UNC79: variants seen among roughly 807,000 people sequenced by gnomAD.
The protein encoded by UNC79 is unc-79 subunit of NALCN channel complex.
UNC79 carries 37 observed loss-of-function variants against 283.1 expected under a neutral mutation model. The ratio of observed to expected loss-of-function variants is 0.13; its 90% CI spans 0.10 to 0.17. The LOEUF (loss-of-function observed/expected upper bound fraction) is 0.17, where lower values mean the gene tolerates loss of function less well. UNC79 is among the 10% of genes least tolerant of loss of function. UNC79 has a pLI of 1.00. For synonymous variants in UNC79, 1,107 were observed against 1,200.2 expected (o/e 0.92, Z 1.61); for missense variants, 2,272 against 3,211.1 (o/e 0.71, Z 7.07).
At chr14:93,615,803 A>C (rs960817058) in intron 27 of UNC79, among the ~76,000 whole-genome samples, 2 of 151,102 alleles carry the variant, frequency 1.3e-5, no homozygotes, top group Admixed American at 6.6e-5. Context: ...TAAAAATTAA[A>C]TTTTTATATG....
chr14:93,610,615 C>T (rs1285297900), intron 26 of UNC79, among the ~76,000 whole-genome samples: 13 of 145,016 alleles, frequency 9.0e-5, no homozygotes, highest in East Asian at 2.0e-4. Flanking sequence ...TTCTTTCTTT[C>T]TTTTTTTTTT....
Position 93,600,881 on chromosome 14 carries a change from C to T in UNC79, c.3574+111C>T, listed in dbSNP as rs1021971770. On this transcript the variant is annotated intron_variant, in intron 25 of 48. Transcript: ENST00000555664. Reference sequence around the variant, plus strand: ...AATTCCTCTACAGAGGATGCCTTGACCTCATGCACTCAATTCATTAAATGA... The same window carrying T: ...AATTCCTCTACAGAGGATGCCTTGATCTCATGCACTCAATTCATTAAATGA... 20 of 1,136,234 alleles carry T rather than the reference C, an allele frequency of 1.8e-5. No homozygotes were observed. The African/African-American group carries it at 3.1e-4, about 18-fold the overall frequency. 70.4% of individuals were successfully genotyped at this position (1,136,234 alleles called of 1,614,324 possible).
chr14:93,590,655 C>T lies in UNC79; in HGVS notation c.3033-3025C>T, dbSNP rs796322630. ...TCTCCTTAAAGGGCCAGGTTTTCTC[C>T]GCAAAGTGCCACCATGACACAAAAA... On this transcript the variant is annotated intron_variant, in intron 22 of 48. Coordinates refer to ENST00000555664, the Ensembl canonical transcript of UNC79. 1.9e-4 allele frequency among the ~76,000 whole-genome samples: 29 copies of T among 152,256 alleles called. 1 individual carries two copies. The highest frequency in any genetic ancestry group is 5.1e-4 in the African/African-American group (21 of 41,544).
chr14:93,696,784 A>C (rs1333748296), intron 47 of UNC79, among the ~76,000 whole-genome samples: 1 of 151,734 alleles, frequency 6.6e-6, no homozygotes, highest in Admixed American at 6.6e-5. Context: ...CCATTTACCA[A>C]TTTTTTTCTT....
At chr14:93,669,790 A>G (rs1041807017) in intron 40 of UNC79, among the ~76,000 whole-genome samples, 2 of 152,308 alleles carry the variant, frequency 1.3e-5, no homozygotes, top group African/African-American at 4.8e-5. Flanking sequence ...TCAAGGCTGC[A>G]GTGAGCTGTG....
At chr14:93,367,304 T>G (rs1410000561) in intron 1 of UNC79, among the ~76,000 whole-genome samples, 1 of 152,230 alleles carries the variant, frequency 6.6e-6, no homozygotes, top group Non-Finnish European at 1.5e-5. Flanking sequence ...AGTTGATTCA[T>G]TAAGTCAAAC....
intron 1 of UNC79, among the ~76,000 whole-genome samples, chr14:93,461,332 G>A (rs972620162): frequency 3.3e-5 from 5 of 152,168 alleles, no homozygotes; most frequent in African/African-American, 9.7e-5. Flanking sequence ...TAAAACTTAC[G>A]TTTTATACAA....
intron 14 of UNC79, among the ~76,000 whole-genome samples, chr14:93,556,706 C>G (rs1193463934): frequency 6.6e-6 from 1 of 151,176 alleles, no homozygotes; most frequent in Non-Finnish European, 1.5e-5. Context: ...ACCCAAAAAC[C>G]TTTTTTTCAA....
chr14:93,412,594 T>C (rs1271107618), intron 1 of UNC79, among the ~76,000 whole-genome samples: 1 of 152,092 alleles, frequency 6.6e-6, no homozygotes, highest in Non-Finnish European at 1.5e-5. Context: ...TGTTGGGAGT[T>C]TGATTATAAA....
At chr14:93,605,058 C>T (rs1014494920) in intron 26 of UNC79, 97 bp downstream of exon 27, 5 of 1,320,350 alleles carry the variant, frequency 3.8e-6, no homozygotes, top group South Asian at 1.7e-5. Context: ...GGGTGATATA[C>T]CTAGGATTTG....
chr14:93,558,791 T>C (rs1940523392), intron 14 of UNC79, among the ~76,000 whole-genome samples: 1 of 152,008 alleles, frequency 6.6e-6, no homozygotes, highest in African/African-American at 2.4e-5. Context: ...CTGTTCGCTG[T>C]GCCATAACTG....
At chr14:93,665,354 G>C (rs2072071683) in intron 40 of UNC79, among the ~76,000 whole-genome samples, 1 of 151,654 alleles carries the variant, frequency 6.6e-6, no homozygotes, top group Admixed American at 6.6e-5. Context: ...GAGAGAATTG[G>C]TGAAATGGAA....
chr14:93,477,364 A>G (rs1220977761), intron 3 of UNC79, among the ~76,000 whole-genome samples, 194 bp from the exon 4 acceptor site: 4 of 152,260 alleles, frequency 2.6e-5, no homozygotes, highest in Non-Finnish European at 5.9e-5. Context: ...TAACATATTC[A>G]TTCATCAGTC....
rs71129655 is a variant in UNC79, at chr14:93,698,476, G to GTTTTTTTTTTTTT, written c.7548+4079_7548+4091dup. On this transcript the variant is annotated intron_variant, in intron 47 of 48. Coordinates refer to ENST00000555664, the Ensembl canonical transcript of UNC79. ...TGGTAATATTTTTAGTTTAGTTTAG[G>GTTTTTTTTTTTTT]TTTTTTTTTTTTTTTTTTTTTTTTT... Among the ~76,000 whole-genome samples, 3 of 79,114 alleles carry GTTTTTTTTTTTTT rather than the reference G, an allele frequency of 3.8e-5. 1 individual carries two copies. The highest frequency in any genetic ancestry group is 7.7e-5 in the Non-Finnish European group (3 of 39,092). The allele number at this position is 79,114 out of a possible 152,430, so 51.9% of individuals were successfully genotyped here.
chr14:93,393,069 G>A (rs984778803), intron 1 of UNC79, among the ~76,000 whole-genome samples: 3 of 151,946 alleles, frequency 2.0e-5, no homozygotes, highest in Non-Finnish European at 4.4e-5. Flanking sequence ...GCATCTTGTG[G>A]TGAGAGAGTT....
chr14:93,619,619 C>T (rs2066980240), intron 29 of UNC79, among the ~76,000 whole-genome samples: 1 of 152,062 alleles, frequency 6.6e-6, no homozygotes, highest in Non-Finnish European at 1.5e-5. Context: ...TTTTGATTAA[C>T]ATTTATTTTT....
intron 46 of UNC79, among the ~76,000 whole-genome samples, chr14:93,693,072 A>T (rs2074826076): frequency 6.6e-6 from 1 of 152,192 alleles, no homozygotes; most frequent in Non-Finnish European, 1.5e-5. Context: ...TTTGGTTCTT[A>T]ATTAGAAAGG....
At chr14:93,376,455 G>A (rs776685887) in intron 1 of UNC79, among the ~76,000 whole-genome samples, 32 of 151,976 alleles carry the variant, frequency 2.1e-4, no homozygotes, top group Non-Finnish European at 4.6e-4. Flanking sequence ...AAATCACAGG[G>A]GCAAACCGTA....
At chr14:93,696,861 T>C (rs2075169095) in intron 47 of UNC79, among the ~76,000 whole-genome samples, 1 of 152,178 alleles carries the variant, frequency 6.6e-6, no homozygotes, top group Non-Finnish European at 1.5e-5. Flanking sequence ...AATAAAGAGT[T>C]TTATTTGTGT....
Sources: gnomAD v4.1 joint callset for allele counts (sites outside exome capture counted in the v4.1 genomes callset) on GRCh38, gnomAD v4.1.1 for gene constraint, MANE v1.5 for transcripts, NCBI Gene and HGNC (gene_info 2026-07-23, HGNC 2026-07-21) for gene names.